The following HEATR5A variants were observed in gnomAD, a reference collection of about 807,000 sequenced individuals.
HEATR5A encodes HEAT repeat containing 5A.
Under a neutral mutation model 218.8 loss-of-function variants are expected in HEATR5A, and 178 were observed. The observed-to-expected ratio is 0.81, with a 90% CI of 0.72 to 0.92. The LOEUF (loss-of-function observed/expected upper bound fraction) is 0.92. Among genes scored for constraint, HEATR5A ranks in the 40% least tolerant of loss-of-function variants. The pLI is 0.00. For synonymous variants in HEATR5A, 864 were observed against 871.6 expected, an observed-to-expected ratio of 0.99 and a Z score of 0.15; for missense variants, 2,420 against 2,418.9, an observed-to-expected ratio of 1.00 and a Z score of -0.01.
chr14:31,308,248 C>A (rs2139141640), intron 29 of HEATR5A, among the ~76,000 whole-genome samples: 1 of 152,228 alleles, frequency 6.6e-6, no homozygotes, highest in East Asian at 1.9e-4. Flanking sequence ...TGGCTCACAC[C>A]TGTAATCCCA....
intron 14 of HEATR5A, among the ~76,000 whole-genome samples, chr14:31,363,147 G>A (rs370689683): frequency 2.3e-4 from 35 of 151,600 alleles, no homozygotes; most frequent in African/African-American, 8.5e-4. Flanking sequence ...GCTGAGGCAG[G>A]AGAATCGTTT....
intron 33 of HEATR5A, among the ~76,000 whole-genome samples, chr14:31,300,078 T>C (rs1388229736): frequency 6.6e-6 from 1 of 152,010 alleles, no homozygotes; most frequent in Non-Finnish European, 1.5e-5. Context: ...CACATGCCTA[T>C]TAAAGGCAGT....
intron 2 of HEATR5A, among the ~76,000 whole-genome samples, chr14:31,402,029 T>C (rs925522003): frequency 6.6e-6 from 1 of 152,098 alleles, no homozygotes; most frequent in Non-Finnish European, 1.5e-5. Context: ...TTTCCCCAAA[T>C]CTAGAAGTTG....
intron 11 of HEATR5A, among the ~76,000 whole-genome samples, chr14:31,379,291 C>T (rs1392378736): frequency 6.6e-6 from 1 of 151,552 alleles, no homozygotes; most frequent in Non-Finnish European, 1.5e-5. Flanking sequence ...TGCTCTGTCA[C>T]CCAAGCTGGA....
At chr14:31,306,971 G>A in intron 30 of HEATR5A, 92 bp from the exon 31 acceptor site, 1 of 1,049,718 alleles carries the variant, frequency 9.5e-7, no homozygotes, top group Non-Finnish European at 1.3e-6. Context: ...ACAAAATTCA[G>A]AAAAACAGAA....
chr14:31,349,706 G>T, intron 18 of HEATR5A, 83 bp downstream of exon 18: 2 of 821,934 alleles, frequency 2.4e-6, no homozygotes, highest in Non-Finnish European at 3.8e-6. Context: ...TCAGAATGAA[G>T]ATCTTACTAG....
intron 28 of HEATR5A, among the ~76,000 whole-genome samples, chr14:31,310,578 T>C (rs1393798966): frequency 6.6e-6 from 1 of 152,068 alleles, no homozygotes; most frequent in African/African-American, 2.4e-5. Flanking sequence ...AGGTGGAGGT[T>C]GCAGTGAGCC....
chr14:31,308,229 C>T (rs1376125338), intron 29 of HEATR5A, among the ~76,000 whole-genome samples: 4 of 151,976 alleles, frequency 2.6e-5, no homozygotes, highest in South Asian at 4.1e-4. Context: ...TAATCTATGC[C>T]GGGCATGGTG....
At chr14:31,322,446 T>G (rs1203965908) in intron 24 of HEATR5A, among the ~76,000 whole-genome samples, 1 of 152,212 alleles carries the variant, frequency 6.6e-6, no homozygotes, top group African/African-American at 2.4e-5. Context: ...AGATACCTAA[T>G]TCATACTCAG....
At chr14:31,299,896 C>A (rs1228326949) in intron 33 of HEATR5A, among the ~76,000 whole-genome samples, 1 of 151,292 alleles carries the variant, frequency 6.6e-6, no homozygotes, top group Non-Finnish European at 1.5e-5. Context: ...ATTAGCCAGG[C>A]CTGGTGGTGA....
intron 25 of HEATR5A, 86 bp downstream of exon 25, chr14:31,321,413 A>G: frequency 9.3e-7 from 1 of 1,079,814 alleles, no homozygotes; most frequent in Admixed American, 2.9e-5. Flanking sequence ...AAGTGCTGGG[A>G]TTACAGGCAT....
chr14:31,300,949 C>T (rs1899350447), intron 33 of HEATR5A, among the ~76,000 whole-genome samples: 1 of 152,132 alleles, frequency 6.6e-6, no homozygotes, highest in South Asian at 2.1e-4. Flanking sequence ...AGAAATGCAG[C>T]GATAATTAAG....
chr14:31,311,684 T>A (rs7148017), intron 28 of HEATR5A, among the ~76,000 whole-genome samples: 146,883 of 151,648 alleles, frequency 0.97, 71,173 homozygotes, highest in East Asian at 1. Flanking sequence ...TATATATATA[T>A]AAAAAAGATT....
At chr14:31,310,650 ATAAATAAATAAG>A (rs1298286207) in intron 28 of HEATR5A, among the ~76,000 whole-genome samples, 3 of 152,088 alleles carry the variant, frequency 2.0e-5, no homozygotes, top group Admixed American at 2.0e-4. Flanking sequence ...AAATAAATAA[ATAAATAAATAAG>A]TAAATAAATA....
rs1227580442 is a variant in HEATR5A, at chr14:31,318,211, T to C, written c.4038+13A>G. ...CAAGATTATCTCTTAAGCTTCATCT[T>C]TTAACCATTTACCTGACATGCTTTG... On this transcript the variant is annotated intron_variant, in intron 26 of 35. Transcript: ENST00000543095. 3 of 1,611,638 alleles carry C rather than the reference T, an allele frequency of 1.9e-6. No individual in the cohort carries two copies. The highest frequency in any genetic ancestry group is 4.5e-5 in the East Asian group (2 of 44,856).
intron 33 of HEATR5A, chr14:31,297,625 G>A (rs1899231792): frequency 6.6e-6 from 1 of 152,126 alleles, no homozygotes; most frequent in Non-Finnish European, 1.5e-5. Flanking sequence ...AAATTTTATG[G>A]ATGAATAGGA....
intron 22 of HEATR5A, among the ~76,000 whole-genome samples, chr14:31,330,540 G>A (rs1024631614): frequency 1.8e-4 from 28 of 152,210 alleles, no homozygotes; most frequent in African/African-American, 5.3e-4. Context: ...TGTAATCCCA[G>A]CACTTTGGGA....
intron 10 of HEATR5A, among the ~76,000 whole-genome samples, 171 bp downstream of exon 10, chr14:31,383,350 A>G (rs2030070902): frequency 6.6e-6 from 1 of 152,218 alleles, no homozygotes; most frequent in African/African-American, 2.4e-5. Context: ...TAGTTATTTA[A>G]GATTTCTTTT....
chr14:31,330,123 T>C (rs1900413269), intron 22 of HEATR5A, among the ~76,000 whole-genome samples: 1 of 152,236 alleles, frequency 6.6e-6, no homozygotes, highest in South Asian at 2.1e-4. Context: ...AGGTTCTCCA[T>C]GAGGGCTTCA....
Sources: allele counts gnomAD v4.1 joint callset (sites outside exome capture counted in the v4.1 genomes callset), GRCh38; gene constraint gnomAD v4.1.1; transcripts MANE v1.5; gene names NCBI Gene and HGNC (gene_info 2026-07-23, HGNC 2026-07-21).